Variants in CCDC178 observed in about 807,000 individuals in gnomAD.
CCDC178 encodes the protein coiled-coil domain-containing protein 178.
A neutral mutation model predicts 117.4 loss-of-function variants in CCDC178; 126 were observed. That is an observed-to-expected ratio of 1.07 (90% CI 0.93 to 1.24). The LOEUF (loss-of-function observed/expected upper bound fraction) is 1.24, where lower values mean the gene tolerates loss of function less well. Ranked by LOEUF, CCDC178 falls within the 50% of genes most tolerant of loss-of-function variation. The probability of loss-of-function intolerance (pLI) is 0.00; values close to 1 mark genes in which losing one functional copy is unlikely to be tolerated. For synonymous variants in CCDC178, 283 were observed against 313.4 expected (o/e 0.90, Z 1.02); for missense variants, 1,030 against 986.9 (o/e 1.04, Z -0.59).
intron 6 of CCDC178, among the ~76,000 whole-genome samples, chr18:33,367,992 T>C (rs1341692777): frequency 6.6e-6 from 1 of 151,986 alleles, no homozygotes; most frequent in African/African-American, 2.4e-5. Flanking sequence ...TGTTATTGTG[T>C]GTTTCTTCTC....
chr18:32,967,002 AT>A (rs1177090384), intron 22 of CCDC178, among the ~76,000 whole-genome samples: 1 of 151,700 alleles, frequency 6.6e-6, no homozygotes, highest in East Asian at 1.9e-4. Flanking sequence ...TCTGAGTGGT[AT>A]CTCTACCTTC....
At chr18:32,945,624 A>G (rs943389979) in intron 22 of CCDC178, among the ~76,000 whole-genome samples, 2 of 152,166 alleles carry the variant, frequency 1.3e-5, no homozygotes, top group Non-Finnish European at 2.9e-5. Context: ...CACATGGCTT[A>G]ACATATTGAA....
At chr18:33,108,276 C>T (rs2057734806) in intron 20 of CCDC178, among the ~76,000 whole-genome samples, 1 of 150,652 alleles carries the variant, frequency 6.6e-6, no homozygotes, top group South Asian at 2.1e-4. Flanking sequence ...ATGAAGTTTT[C>T]TGTCATGTTT....
At chr18:33,314,364 C>T (rs2062389624) in intron 11 of CCDC178, among the ~76,000 whole-genome samples, 1 of 152,040 alleles carries the variant, frequency 6.6e-6, no homozygotes, top group African/African-American at 2.4e-5. Flanking sequence ...GCCTGGAGCC[C>T]ACAGTCTTCG....
intron 14 of CCDC178, among the ~76,000 whole-genome samples, chr18:33,252,391 CAT>C (rs1039754918): frequency 4.6e-5 from 7 of 151,674 alleles, no homozygotes; most frequent in Non-Finnish European, 1.0e-4. Flanking sequence ...GGCTAACTAA[CAT>C]GTGGGTGAGT....
At chr18:33,249,553 G>C (rs1249676972) in intron 14 of CCDC178, among the ~76,000 whole-genome samples, 2 of 152,026 alleles carry the variant, frequency 1.3e-5, no homozygotes, top group African/African-American at 4.8e-5. Flanking sequence ...GTTTTTGTCA[G>C]GTTTGTTGAA....
chr18:33,348,420 G>C (rs2062925656), intron 8 of CCDC178, among the ~76,000 whole-genome samples: 1 of 151,728 alleles, frequency 6.6e-6, no homozygotes, highest in African/African-American at 2.4e-5. Context: ...TACTAGAACT[G>C]CAATTTTCAA....
intron 21 of CCDC178, among the ~76,000 whole-genome samples, chr18:33,047,386 C>T (rs145529132): frequency 0.011 from 1,657 of 152,158 alleles, 19 homozygotes; most frequent in Non-Finnish European, 0.016. Flanking sequence ...CTATTTTTGG[C>T]GGGTTTCATT....
chr18:32,997,330 T>G, intron 21 of CCDC178, among the ~76,000 whole-genome samples: 1 of 152,184 alleles, frequency 6.6e-6, no homozygotes, highest in East Asian at 1.9e-4. Flanking sequence ...GAACATTGCA[T>G]AAAATGGATT....
intron 21 of CCDC178, among the ~76,000 whole-genome samples, chr18:33,067,626 C>A (rs950521444): frequency 2.0e-5 from 3 of 152,102 alleles, no homozygotes; most frequent in African/African-American, 4.8e-5. Context: ...GGGTGGATGA[C>A]CTGAAGTCGG....
chr18:33,426,486 A>C (rs2064127055), intron 2 of CCDC178, among the ~76,000 whole-genome samples: 1 of 152,196 alleles, frequency 6.6e-6, no homozygotes, highest in Non-Finnish European at 1.5e-5. Context: ...ATATTAAATC[A>C]TACATTCCTG....
At chr18:33,101,491 CCTTT>C (rs1365854026) in intron 20 of CCDC178, among the ~76,000 whole-genome samples, 1 of 151,666 alleles carries the variant, frequency 6.6e-6, no homozygotes, top group Non-Finnish European at 1.5e-5. Flanking sequence ...CTAAATAGAC[CCTTT>C]CTTTATGTAA....
At chr18:33,293,646 C>A (rs929700033) in intron 11 of CCDC178, among the ~76,000 whole-genome samples, 4 of 152,088 alleles carry the variant, frequency 2.6e-5, no homozygotes, top group African/African-American at 9.7e-5. Flanking sequence ...GCCTGGGTGA[C>A]AGAGTGAGAC....
intron 21 of CCDC178, among the ~76,000 whole-genome samples, chr18:33,012,556 C>T (rs1324463813): frequency 2.0e-5 from 3 of 152,068 alleles, no homozygotes; most frequent in South Asian, 2.1e-4. Flanking sequence ...ATAAAAGGTG[C>T]TAATCCAGTC....
intron 21 of CCDC178, among the ~76,000 whole-genome samples, chr18:32,993,347 G>A (rs1476061985): frequency 2.0e-5 from 3 of 152,038 alleles, no homozygotes; most frequent in African/African-American, 7.2e-5. Context: ...TTACCATCAT[G>A]ACAACATCCA....
intron 2 of CCDC178, among the ~76,000 whole-genome samples, chr18:33,414,687 G>A (rs535548718): frequency 6.6e-5 from 10 of 152,230 alleles, no homozygotes; most frequent in East Asian, 3.9e-4. Flanking sequence ...AACAAAAGCC[G>A]AAATTGACAA....
chr18:33,184,947 C>T (rs1261044861), intron 20 of CCDC178, among the ~76,000 whole-genome samples: 1 of 151,926 alleles, frequency 6.6e-6, no homozygotes, highest in Non-Finnish European at 1.5e-5. Context: ...ACTAGTTGCA[C>T]TGAAGTGAAG....
At chr18:33,203,330 GT>G in intron 20 of CCDC178, among the ~76,000 whole-genome samples, 1 of 151,842 alleles carries the variant, frequency 6.6e-6, no homozygotes, top group South Asian at 2.1e-4. Flanking sequence ...TTTTAACTTT[GT>G]TTTTAAGTTT....
At chr18:33,267,777 A>G (rs2059836215) in intron 12 of CCDC178, among the ~76,000 whole-genome samples, 1 of 151,534 alleles carries the variant, frequency 6.6e-6, no homozygotes, top group East Asian at 1.9e-4. Flanking sequence ...AACTTTAGAT[A>G]ACATAATTAA....
Sources: allele counts gnomAD v4.1 joint callset (sites outside exome capture counted in the v4.1 genomes callset), GRCh38; gene constraint gnomAD v4.1.1; transcripts MANE v1.5; gene names NCBI Gene and HGNC (gene_info 2026-07-23, HGNC 2026-07-21).